Variants in GRM1 observed in about 807,000 individuals in gnomAD.
The protein encoded by GRM1 is metabotropic glutamate receptor 1.
In GRM1, 33 loss-of-function variants were observed where a neutral mutation model predicts 90.9. The observed-to-expected ratio is 0.36, with a 90% confidence interval of 0.28 to 0.49. GRM1 has a LOEUF of 0.49. Among genes scored for constraint, GRM1 ranks in the 20% least tolerant of loss-of-function variants. The probability of loss-of-function intolerance (pLI) is 0.99; values close to 1 mark genes in which losing one functional copy is unlikely to be tolerated. For missense variants in GRM1, 1,190 were observed against 1,534.3 expected (o/e 0.78, Z 3.75); for synonymous variants, 700 against 613.2 (o/e 1.14, Z -2.09).
At chr6:146,087,623 C>T (rs1015291369) in intron 1 of GRM1, among the ~76,000 whole-genome samples, 9 of 152,170 alleles carry the variant, frequency 5.9e-5, no homozygotes, top group Admixed American at 4.6e-4. Flanking sequence ...TAACCCCAGG[C>T]AACCACGAAT....
chr6:146,433,348 T>C (rs1778479655), intron 7 of GRM1, among the ~76,000 whole-genome samples: 1 of 152,246 alleles, frequency 6.6e-6, no homozygotes, highest in Non-Finnish European at 1.5e-5. Flanking sequence ...TGGGAAATAC[T>C]TGCATATGAG....
intron 5 of GRM1, among the ~76,000 whole-genome samples, chr6:146,378,964 G>A (rs1776213975): frequency 6.6e-6 from 1 of 152,086 alleles, no homozygotes; most frequent in Admixed American, 6.6e-5. Context: ...ACTCCTTTGT[G>A]TTCCACCATG....
At position 146,352,437 on chromosome 6, in the gene GRM1, A is replaced by C. The variant is rs1785440855; in HGVS notation, c.1374A>C (p.Ser458=). The C allele has an allele frequency of 1.2e-6, 2 of 1,613,276 alleles. No individual in the cohort carries two copies. The highest frequency in any genetic ancestry group is 1.7e-5 in the Admixed American group (1 of 60,006). Residue 458 remains serine, a synonymous_variant, in exon 4 of 8, where the codon TCA becomes TCC. Coordinates refer to ENST00000282753, the MANE Select transcript of GRM1 (RefSeq NM_001278064.2). ...TGCTGGACTTCCTCATCAAGTCCTC[A>C]TTCATTGGAGTATCTGGAGAGGAGG... ...SKLLDFLIKS[S]FIGVSGEEVW...
intron 5 of GRM1, among the ~76,000 whole-genome samples, chr6:146,374,363 A>C (rs1237851880): frequency 6.6e-6 from 1 of 152,242 alleles, no homozygotes; most frequent in South Asian, 2.1e-4. Context: ...TTGTGATATC[A>C]GGGTAATATT....
intron 2 of GRM1, among the ~76,000 whole-genome samples, chr6:146,273,764 C>T (rs1782253154): frequency 6.6e-6 from 1 of 152,126 alleles, no homozygotes; most frequent in Admixed American, 6.6e-5. Flanking sequence ...TGATTGGACT[C>T]AGTGTTTTGG....
intron 1 of GRM1, among the ~76,000 whole-genome samples, chr6:146,091,568 G>A (rs1776717135): frequency 6.6e-6 from 1 of 152,078 alleles, no homozygotes. Context: ...AGTGTGTTCA[G>A]GGAGCAGCCA....
intron 2 of GRM1, among the ~76,000 whole-genome samples, chr6:146,178,489 T>A (rs1330997827): frequency 1.3e-5 from 2 of 152,192 alleles, no homozygotes; most frequent in African/African-American, 4.8e-5. Context: ...TTAATTTATG[T>A]TTCATATACA....
chr6:146,314,399 A>C (rs1311650763), intron 3 of GRM1, among the ~76,000 whole-genome samples: 1 of 152,142 alleles, frequency 6.6e-6, no homozygotes, highest in Admixed American at 6.5e-5. Context: ...TTTGTGTATC[A>C]TAATGTGGTT....
intron 2 of GRM1, among the ~76,000 whole-genome samples, chr6:146,271,840 G>A (rs1782172882): frequency 6.6e-6 from 1 of 152,178 alleles, no homozygotes; most frequent in Non-Finnish European, 1.5e-5. Context: ...TCACCCATTA[G>A]AAGAATGAGT....
chr6:146,277,843 A>C (rs1015344410), intron 2 of GRM1, among the ~76,000 whole-genome samples: 1 of 152,182 alleles, frequency 6.6e-6, no homozygotes, highest in Admixed American at 6.6e-5. Context: ...AATATCACTT[A>C]AGAAAGCTTT....
intron 2 of GRM1, among the ~76,000 whole-genome samples, chr6:146,186,879 AG>A (rs1778753968): frequency 6.6e-6 from 1 of 152,226 alleles, no homozygotes; most frequent in Non-Finnish European, 1.5e-5. Flanking sequence ...CAACTGTCTA[AG>A]AAGGGAGTTT....
In GRM1 at chr6:146,337,846, T is replaced by C. The variant is rs746771944; in HGVS notation, c.1187-14404T>C. 3.9e-4 allele frequency among the ~76,000 whole-genome samples: 59 copies of C among 152,208 alleles called. 1 individual carries two copies. Among genetic ancestry groups the C allele is most frequent in the Non-Finnish European group, 1.9e-4 (13 of 68,038 alleles). ...ATTCCCCCAAAAGAAAATGATTTAC[T>C]TCCCCTAGTAACTAAAGAAAACAAA... On this transcript the variant is annotated intron_variant, in intron 3 of 7. Transcript: ENST00000282753.
At chr6:146,264,568 T>C (rs956765289) in intron 2 of GRM1, among the ~76,000 whole-genome samples, 7 of 152,002 alleles carry the variant, frequency 4.6e-5, no homozygotes, top group Non-Finnish European at 1.5e-5. Context: ...GTTTGTTACA[T>C]GTGTAGGTTT....
chr6:146,075,528 G>T (rs1452570999), intron 1 of GRM1, among the ~76,000 whole-genome samples: 7 of 152,184 alleles, frequency 4.6e-5, no homozygotes, highest in Admixed American at 4.6e-4. Flanking sequence ...AAGTAAAATG[G>T]TGAAGATAGC....
chr6:146,043,373 C>T (rs1791187769), intron 1 of GRM1, among the ~76,000 whole-genome samples: 1 of 151,918 alleles, frequency 6.6e-6, no homozygotes, highest in Non-Finnish European at 1.5e-5. Context: ...TTCTAAGTAA[C>T]ATGTTAATAT....
chr6:146,290,628 T>C (rs1782946456), intron 2 of GRM1, among the ~76,000 whole-genome samples: 1 of 152,162 alleles, frequency 6.6e-6, no homozygotes, highest in Non-Finnish European at 1.5e-5. Flanking sequence ...TCATTTTTTC[T>C]TTCAATTTTC....
intron 1 of GRM1, among the ~76,000 whole-genome samples, chr6:146,102,503 T>A (rs1777084313): frequency 6.6e-6 from 1 of 152,198 alleles, no homozygotes; most frequent in Non-Finnish European, 1.5e-5. Context: ...TCCAGAAAAC[T>A]GGTAATCATA....
chr6:146,093,219 G>T (rs1776767537), intron 1 of GRM1, among the ~76,000 whole-genome samples: 1 of 152,088 alleles, frequency 6.6e-6, no homozygotes, highest in Admixed American at 6.6e-5. Context: ...GGAAAGCCTT[G>T]CTGTCACTAA....
chr6:146,124,364 G>A (rs910210421), intron 1 of GRM1, among the ~76,000 whole-genome samples: 9 of 152,084 alleles, frequency 5.9e-5, no homozygotes, highest in Admixed American at 2.6e-4. Context: ...TGCTGATTTC[G>A]AAGAGGACAT....
Sources: gnomAD v4.1 joint callset for allele counts (sites outside exome capture counted in the v4.1 genomes callset) on GRCh38, gnomAD v4.1.1 for gene constraint, MANE v1.5 for transcripts, NCBI Gene and HGNC (gene_info 2026-07-23, HGNC 2026-07-21) for gene names.